The following RNF149 variants were observed in gnomAD, a reference collection of about 807,000 sequenced individuals.
The protein encoded by RNF149 is ring finger protein 149, also known as E3 ubiquitin-protein ligase RNF149.
RNF149 carries 21 observed loss-of-function variants against 39.0 expected under a neutral mutation model. The observed-to-expected ratio is 0.54, with a 90% confidence interval of 0.38 to 0.77. The LOEUF is 0.77. RNF149 is among the 30% of genes least tolerant of loss of function. RNF149 has a pLI of 0.00. For synonymous variants in RNF149, 209 were observed against 213.6 expected (o/e 0.98, Z 0.19); for missense variants, 493 against 534.9 (o/e 0.92, Z 0.77).
At chr2:101,281,626 G>A in intron 6 of RNF149, 1 of 510,902 alleles carries the variant, frequency 2.0e-6, no homozygotes, top group Non-Finnish European at 3.5e-6. Context: ...TCAGCATTCT[G>A]AGTAGCTGGG....
At chr2:101,272,486 C>CT (rs994402922), downstream of RNF149, among the ~76,000 whole-genome samples, 1 of 152,066 alleles carries the variant, frequency 6.6e-6, no homozygotes, top group African/African-American at 2.4e-5. Flanking sequence ...TTAAAAAAAA[C>CT]TTTTAAAACT....
chr2:101,287,186 T>G (rs1351152245), intron 4 of RNF149, among the ~76,000 whole-genome samples: 1 of 151,932 alleles, frequency 6.6e-6, no homozygotes, highest in East Asian at 1.9e-4. Flanking sequence ...GCTGGGTGTG[T>G]TGGTGGACAC....
At position 101,294,034 on chromosome 2, in the gene RNF149, T is replaced by C; in HGVS notation, c.760A>G (p.Thr254Ala). Residue 254 changes from threonine (T) to alanine (A), a missense_variant, in exon 3 of 7, where the codon ACT becomes GCT. Coordinates refer to ENST00000295317, the MANE Select transcript of RNF149 (RefSeq NM_173647.4). The part of the protein sequence containing the change: ...KKVIGQLLLH[T>A]VKHGEKGIDV... The stretch of plus-strand genomic sequence containing the variant: ...ATTACCTTTTCTCCATGCTTTACAG[T>C]ATGAAGTAGAAGCTGGCCAATAACT... 1 of 1,590,612 alleles carries C rather than the reference T, an allele frequency of 6.3e-7. No homozygotes were observed. Among genetic ancestry groups the C allele is most frequent in the Non-Finnish European group, 8.6e-7 (1 of 1,159,578 alleles).
At chr2:101,279,529 C>A (rs952532103) in intron 6 of RNF149, among the ~76,000 whole-genome samples, 1 of 152,124 alleles carries the variant, frequency 6.6e-6, no homozygotes, top group Non-Finnish European at 1.5e-5. Context: ...AAGGCAATGG[C>A]AAAATCACAC....
chr2:101,308,077 G>C (rs910249811), intron 1 of RNF149, 52 bp downstream of exon 1: 1 of 1,583,296 alleles, frequency 6.3e-7, no homozygotes, highest in Admixed American at 1.7e-5. Flanking sequence ...GAAGACCCCA[G>C]CCTCGGCTGC....
At chr2:101,307,241 G>T (rs1419297095) in intron 1 of RNF149, among the ~76,000 whole-genome samples, 1 of 152,190 alleles carries the variant, frequency 6.6e-6, no homozygotes, top group African/African-American at 2.4e-5. Context: ...GGAGTGCAGT[G>T]GCACAATCAC....
chr2:101,273,632 C>T (rs1050940522), downstream of RNF149, among the ~76,000 whole-genome samples: 1 of 152,030 alleles, frequency 6.6e-6, no homozygotes, highest in Non-Finnish European at 1.5e-5. Flanking sequence ...GCCACCACAC[C>T]TGGCTAATTT....
At chr2:101,296,931 G>C (rs182501689) in intron 1 of RNF149, among the ~76,000 whole-genome samples, 27 of 152,228 alleles carry the variant, frequency 1.8e-4, no homozygotes, top group Admixed American at 9.8e-4. Flanking sequence ...ATGGTTGGCC[G>C]GGCACGGTGC....
intron 6 of RNF149, among the ~76,000 whole-genome samples, chr2:101,277,678 C>T (rs560005957): frequency 2.0e-5 from 3 of 152,278 alleles, no homozygotes; most frequent in East Asian, 1.9e-4. Flanking sequence ...CATGAGCCAC[C>T]GCGCCCGGCT....
downstream of RNF149, chr2:101,272,799 G>A (rs921771700): frequency 2.2e-5 from 9 of 416,070 alleles, no homozygotes; most frequent in Non-Finnish European, 3.9e-5. Context: ...TGGGGAATTT[G>A]GTTACATTGG....
At chr2:101,289,593 T>A (rs1391878991) in intron 3 of RNF149, among the ~76,000 whole-genome samples, 1 of 151,058 alleles carries the variant, frequency 6.6e-6, no homozygotes, top group Non-Finnish European at 1.5e-5. Context: ...TAGTCCCAGC[T>A]ACTCAGGAGG....
intron 1 of RNF149, among the ~76,000 whole-genome samples, chr2:101,300,678 C>T (rs1183706051): frequency 6.6e-6 from 1 of 151,900 alleles, no homozygotes; most frequent in East Asian, 1.9e-4. Flanking sequence ...ACCTGCCTAG[C>T]ATGAGGGCTA....
intron 5 of RNF149, among the ~76,000 whole-genome samples, chr2:101,284,586 A>C (rs1415052942): frequency 1.3e-5 from 2 of 152,094 alleles, no homozygotes; most frequent in Non-Finnish European, 2.9e-5. Flanking sequence ...CTCAAAAAAA[A>C]CCAAACAAAT....
At chr2:101,303,790 T>A (rs866109380) in intron 1 of RNF149, among the ~76,000 whole-genome samples, 1 of 152,176 alleles carries the variant, frequency 6.6e-6, no homozygotes, top group African/African-American at 2.4e-5. Context: ...TTTATTCTTA[T>A]ACCTCTAATC....
chr2:101,275,094 C>T (rs949357094), downstream of RNF149, among the ~76,000 whole-genome samples: 1 of 148,690 alleles, frequency 6.7e-6, no homozygotes, highest in Non-Finnish European at 1.5e-5. Flanking sequence ...CACGCCTGGC[C>T]CTTCCCTAGT....
rs949533576 is a variant in RNF149, at chr2:101,308,661, A to G, written c.-73T>C. 4.5e-6 allele frequency: 6 copies of G among 1,329,412 alleles called. No individual in the cohort carries two copies. The highest frequency in any genetic ancestry group is 5.9e-6 in the Non-Finnish European group (6 of 1,015,642). The allele number at this position is 1,329,412 out of a possible 1,614,324, so 82.4% of individuals were successfully genotyped here. A position where few individuals can be genotyped will look rare whatever the true frequency, so the allele number is the denominator to read the frequency against. ...GCGGTGCAGTCGAAGAGCAGAGAGA[A>G]GCGGACACCCACCGCCGCCCTGGAA... On this transcript the variant is annotated 5_prime_UTR_variant, in exon 1 of 7. Transcript: ENST00000295317.
At chr2:101,286,800 G>T (rs932927664) in intron 4 of RNF149, among the ~76,000 whole-genome samples, 2 of 152,216 alleles carry the variant, frequency 1.3e-5, no homozygotes, top group African/African-American at 4.8e-5. Context: ...TACCAGTATA[G>T]TATGGGTTTC....
chr2:101,280,965 T>C (rs368651514), intron 6 of RNF149, among the ~76,000 whole-genome samples: 2 of 151,988 alleles, frequency 1.3e-5, no homozygotes, highest in Non-Finnish European at 2.9e-5. Context: ...GCCCAGGAGT[T>C]TGAGGCTGCA....
At chr2:101,300,999 GC>G (rs1298160047) in intron 1 of RNF149, among the ~76,000 whole-genome samples, 1 of 152,132 alleles carries the variant, frequency 6.6e-6, no homozygotes, top group Non-Finnish European at 1.5e-5. Context: ...TCCTTAATTG[GC>G]ACATGAGACC....
Sources: allele counts gnomAD v4.1 joint callset (sites outside exome capture counted in the v4.1 genomes callset), GRCh38; gene constraint gnomAD v4.1.1; transcripts MANE v1.5; gene names NCBI Gene and HGNC (gene_info 2026-07-23, HGNC 2026-07-21).